The following PDXDC1 variants were observed in gnomAD, a reference collection of about 807,000 sequenced individuals.
The protein encoded by PDXDC1 is pyridoxal dependent decarboxylase domain containing 1, also known as pyridoxal-dependent decarboxylase domain-containing protein 1.
In PDXDC1, 42 loss-of-function variants were observed where a neutral mutation model predicts 100.1. The ratio of observed to expected loss-of-function variants is 0.42; its 90% confidence interval spans 0.33 to 0.54. The LOEUF is 0.54. Ranked by LOEUF, PDXDC1 falls within the 20% of genes least tolerant of loss-of-function variation. PDXDC1 has a pLI of 0.10. For missense variants in PDXDC1, 636 were observed against 979.2 expected (o/e 0.65, Z 4.68); for synonymous variants, 260 against 371.7 (o/e 0.70, Z 3.46).
chr16:15,092,596 T>C (rs1247429990), intron 16 of PDXDC1: 25 of 1,610,620 alleles, frequency 1.6e-5, no homozygotes, highest in Non-Finnish European at 2.0e-5. Context: ...CATTCTCTAA[T>C]GCACGCATAT....
intron 15 of PDXDC1, chr16:15,029,655 G>A: frequency 1.9e-6 from 1 of 521,414 alleles, no homozygotes; most frequent in Non-Finnish European, 3.3e-6. Flanking sequence ...AAGACGCTGG[G>A]GGCAGACCAC....
At chr16:15,073,293 T>C (rs534281098) in intron 16 of PDXDC1, among the ~76,000 whole-genome samples, 1 of 152,232 alleles carries the variant, frequency 6.6e-6, no homozygotes, top group East Asian at 1.9e-4. Flanking sequence ...GCTCTGTCTC[T>C]ACAAAAAATC....
intron 13 of PDXDC1, among the ~76,000 whole-genome samples, chr16:15,024,786 G>C (rs544788580): frequency 7.9e-5 from 12 of 152,408 alleles, no homozygotes; most frequent in Admixed American, 7.8e-4. Flanking sequence ...CTTCAGAAAG[G>C]CCTTTCCTGG....
At chr16:15,125,648 C>A in intron 16 of PDXDC1, 3 of 1,250,134 alleles carry the variant, frequency 2.4e-6, no homozygotes, top group Non-Finnish European at 3.5e-6. Context: ...GCCAAGGCGG[C>A]AGGACCCCCA....
chr16:15,047,670 G>T, intron 16 of PDXDC1: 1 of 933,024 alleles, frequency 1.1e-6, no homozygotes, highest in South Asian at 1.4e-5. Context: ...GGGAAAAACG[G>T]ACAGGTCTGT....
chr16:15,102,579 G>A (rs2046596670), intron 16 of PDXDC1, among the ~76,000 whole-genome samples: 1 of 151,358 alleles, frequency 6.6e-6, no homozygotes, highest in Non-Finnish European at 1.5e-5. Context: ...ACCAAGCTTG[G>A]GCACAGCCAG....
intron 16 of PDXDC1, chr16:15,135,959 G>A (rs924317572): frequency 1.6e-4 from 250 of 1,574,370 alleles, no homozygotes; most frequent in Non-Finnish European, 2.0e-4. Context: ...GGCCACACGC[G>A]CCGGGCACCC....
At position 15,048,667 on chromosome 16, in the gene PDXDC1, A is replaced by C. The variant is rs2044176797; in HGVS notation, c.1399+18611A>C. On this transcript the variant is annotated intron_variant, in intron 16 of 16. Coordinates refer to the PDXDC1 transcript ENST00000535621. Reference sequence around the variant, plus strand: ...GAGACAGTCTCTCACTCTGTCACCCAAGCTGGAGTATAGTGGTACAATTTC... The same window carrying C: ...GAGACAGTCTCTCACTCTGTCACCCCAGCTGGAGTATAGTGGTACAATTTC... Among the ~76,000 whole-genome samples the C allele has an allele frequency of 2.0e-5, 3 of 152,266 alleles. No homozygotes were observed. In the South Asian group the frequency reaches 6.2e-4, roughly 32 times the overall value.
intron 16 of PDXDC1, among the ~76,000 whole-genome samples, chr16:15,072,434 A>G (rs2045276487): frequency 6.6e-6 from 1 of 152,156 alleles, no homozygotes; most frequent in South Asian, 2.1e-4. Flanking sequence ...TAGTGACCAA[A>G]AGGCAGGATG....
At chr16:15,042,855 C>T (rs560904534), downstream of PDXDC1, among the ~76,000 whole-genome samples, 1 of 151,978 alleles carries the variant, frequency 6.6e-6, no homozygotes, top group African/African-American at 2.4e-5. Context: ...GCCTCAGCCT[C>T]CTGAATAGCT....
chr16:15,133,091 G>A, intron 16 of PDXDC1: 2 of 619,540 alleles, frequency 3.2e-6, no homozygotes, highest in Non-Finnish European at 5.7e-6. Context: ...CGCCGGAGAG[G>A]GCCCGGTGGG....
At chr16:15,023,831 C>T (rs2042383605) in intron 13 of PDXDC1, among the ~76,000 whole-genome samples, 1 of 152,294 alleles carries the variant, frequency 6.6e-6, no homozygotes, top group Non-Finnish European at 1.5e-5. Flanking sequence ...GGCCTGGGCT[C>T]TGCTCTGAGC....
At chr16:15,088,490 G>A (rs1262479917) in intron 16 of PDXDC1, among the ~76,000 whole-genome samples, 1 of 152,106 alleles carries the variant, frequency 6.6e-6, no homozygotes, top group East Asian at 1.9e-4. Flanking sequence ...AGTTCTACTT[G>A]CAACACTCCA....
intron 16 of PDXDC1, among the ~76,000 whole-genome samples, chr16:15,117,537 ACACAAATT>A (rs2047279001): frequency 6.6e-6 from 1 of 151,468 alleles, no homozygotes; most frequent in African/African-American, 2.4e-5. Context: ...TACTAAAAAT[ACACAAATT>A]AGCTGGGCAT....
chr16:15,042,899 A>ATTT (rs1193801850), downstream of PDXDC1, among the ~76,000 whole-genome samples: 5 of 121,510 alleles, frequency 4.1e-5, no homozygotes, highest in African/African-American at 9.3e-5. Context: ...TGCCCAGCTA[A>ATTT]TTTTTTTTTT....
intron 16 of PDXDC1, chr16:15,044,188 T>C (rs1367181937): frequency 9.6e-6 from 6 of 626,020 alleles, no homozygotes; most frequent in Non-Finnish European, 1.4e-5. Context: ...TTCTGTGAAA[T>C]TCCAAGCTGG....
At chr16:15,053,399 T>C (rs1039082725) in intron 16 of PDXDC1, among the ~76,000 whole-genome samples, 3 of 152,258 alleles carry the variant, frequency 2.0e-5, no homozygotes, top group African/African-American at 7.2e-5. Context: ...GGCTTCTAAC[T>C]GTTGGTACTC....
intron 16 of PDXDC1, among the ~76,000 whole-genome samples, chr16:15,054,466 G>A (rs1211508898): frequency 6.6e-6 from 1 of 152,122 alleles, no homozygotes; most frequent in Non-Finnish European, 1.5e-5. Flanking sequence ...AATTCTTCAG[G>A]CGGCTGAAAT....
chr16:15,085,535 C>G, intron 16 of PDXDC1: 1 of 1,537,130 alleles, frequency 6.5e-7, no homozygotes, highest in South Asian at 1.2e-5. Flanking sequence ...CCAGGCTGGT[C>G]TCAAACTCTT....
Sources: allele counts gnomAD v4.1 joint callset (sites outside exome capture counted in the v4.1 genomes callset), GRCh38; gene constraint gnomAD v4.1.1; transcripts MANE v1.5; gene names NCBI Gene and HGNC (gene_info 2026-07-23, HGNC 2026-07-21).